The following BMPER variants were observed in gnomAD, a reference collection of about 807,000 sequenced individuals.
BMPER encodes BMP binding endothelial regulator.
In BMPER, 45 loss-of-function variants were observed where a neutral mutation model predicts 87.3. The ratio of observed to expected loss-of-function variants is 0.52; its 90% CI spans 0.41 to 0.66. The LOEUF is 0.66. BMPER is among the 30% of genes least tolerant of loss of function. The pLI, the probability that BMPER is intolerant of heterozygous loss-of-function variation, is 0.00. For synonymous variants in BMPER, 326 were observed against 316.2 expected, an observed-to-expected ratio of 1.03 and a Z score of -0.33; for missense variants, 784 against 867.5, an observed-to-expected ratio of 0.90 and a Z score of 1.21.
chr7:33,966,838 C>T (rs771809141), intron 4 of BMPER, among the ~76,000 whole-genome samples: 3 of 152,158 alleles, frequency 2.0e-5, no homozygotes, highest in Admixed American at 6.6e-5. Context: ...TGCACATGTC[C>T]TTGGGGAAAA....
intron 13 of BMPER, among the ~76,000 whole-genome samples, chr7:34,138,804 A>G (rs886857589): frequency 3.9e-5 from 6 of 152,204 alleles, no homozygotes; most frequent in African/African-American, 1.4e-4. Context: ...CACACTGGGC[A>G]GCCGTGTTTC....
chr7:33,948,019 T>C (rs1290187505), intron 3 of BMPER, among the ~76,000 whole-genome samples: 2 of 152,202 alleles, frequency 1.3e-5, no homozygotes, highest in Non-Finnish European at 2.9e-5. Context: ...AAAGATTGAG[T>C]TAGCCATGTG....
chr7:33,963,748 G>A (rs534889754), intron 3 of BMPER, among the ~76,000 whole-genome samples: 77 of 152,184 alleles, frequency 5.1e-4, no homozygotes, highest in African/African-American at 1.6e-3. Flanking sequence ...AGCCAAGATC[G>A]CGCCATTGCA....
At chr7:34,062,202 T>C (rs1358104145) in intron 11 of BMPER, among the ~76,000 whole-genome samples, 155 bp downstream of exon 11, 5 of 152,170 alleles carry the variant, frequency 3.3e-5, no homozygotes, top group African/African-American at 1.2e-4. Flanking sequence ...TTTAAGTCAA[T>C]TGTAATTCTC....
At chr7:34,032,587 T>C (rs1246089116) in intron 6 of BMPER, among the ~76,000 whole-genome samples, 2 of 152,186 alleles carry the variant, frequency 1.3e-5, no homozygotes, top group African/African-American at 2.4e-5. Flanking sequence ...TTTTTGCTTA[T>C]ACTATTGGGC....
chr7:34,082,360 C>A (rs1222998421), intron 12 of BMPER, among the ~76,000 whole-genome samples: 4 of 126,652 alleles, frequency 3.2e-5, no homozygotes, highest in African/African-American at 8.7e-5. Flanking sequence ...TCTTTCACTA[C>A]TGTAATCTAC....
intron 6 of BMPER, among the ~76,000 whole-genome samples, chr7:33,983,549 A>G (rs1785917573): frequency 6.6e-6 from 1 of 152,134 alleles, no homozygotes; most frequent in Admixed American, 6.5e-5. Flanking sequence ...TTGTTCTGCA[A>G]CCTAGGAGGT....
chr7:34,037,974 G>C (rs1787726679), intron 6 of BMPER, among the ~76,000 whole-genome samples: 2 of 152,152 alleles, frequency 1.3e-5, no homozygotes, highest in Non-Finnish European at 2.9e-5. Context: ...GTGTGTTGTA[G>C]TCACATTAGG....
At chr7:34,079,397 C>A (rs200573528) in intron 12 of BMPER, among the ~76,000 whole-genome samples, 45 of 152,306 alleles carry the variant, frequency 3.0e-4, no homozygotes, top group African/African-American at 1.1e-3. Context: ...ACATTCGGAC[C>A]GTATGGAGTC....
At chr7:34,148,151 C>T (rs1791078284) in intron 14 of BMPER, among the ~76,000 whole-genome samples, 2 of 152,138 alleles carry the variant, frequency 1.3e-5, no homozygotes, top group South Asian at 2.1e-4. Context: ...CTGATTAAGC[C>T]ACAGTACCTT....
chr7:34,115,642 A>G (rs1458105296), intron 13 of BMPER, among the ~76,000 whole-genome samples: 1 of 152,228 alleles, frequency 6.6e-6, no homozygotes, highest in Non-Finnish European at 1.5e-5. Context: ...TTCAAGGTTC[A>G]TCCATATTGT....
At chr7:33,909,542 A>T (rs1783902997) in intron 2 of BMPER, among the ~76,000 whole-genome samples, 1 of 152,168 alleles carries the variant, frequency 6.6e-6, no homozygotes, top group Admixed American at 6.5e-5. Context: ...TTATGTATGT[A>T]CATTAAGAGG....
chr7:34,093,145 A>G (rs1188507854), intron 13 of BMPER, among the ~76,000 whole-genome samples: 2 of 152,218 alleles, frequency 1.3e-5, no homozygotes, highest in African/African-American at 2.4e-5. Flanking sequence ...AAGGATATAG[A>G]TCAAAATCAA....
chr7:34,143,487 G>GA, intron 14 of BMPER, 127 bp downstream of exon 14: 1 of 1,403,086 alleles, frequency 7.1e-7, no homozygotes, highest in Non-Finnish European at 9.8e-7. Flanking sequence ...ATCCCTTCCA[G>GA]TAGCCCATCT....
chr7:33,991,498 C>G (rs184847298), intron 6 of BMPER, among the ~76,000 whole-genome samples: 44 of 152,120 alleles, frequency 2.9e-4, no homozygotes, highest in African/African-American at 1.1e-3. Context: ...CTATTTGATT[C>G]TTCTCTCTTT....
At chr7:33,926,691 A>G (rs933026147) in intron 2 of BMPER, among the ~76,000 whole-genome samples, 1 of 152,228 alleles carries the variant, frequency 6.6e-6, no homozygotes, top group African/African-American at 2.4e-5. Context: ...GCTTTGGTGA[A>G]GAGAACACAG....
chr7:34,097,573 C>T (rs1554317769), intron 13 of BMPER, among the ~76,000 whole-genome samples: 1 of 152,056 alleles, frequency 6.6e-6, no homozygotes, highest in African/African-American at 2.4e-5. Flanking sequence ...CAAGCTTTAG[C>T]ATGAAATGGA....
At chr7:34,048,946 TC>T (rs1788066775) in intron 7 of BMPER, among the ~76,000 whole-genome samples, 2 of 152,046 alleles carry the variant, frequency 1.3e-5, no homozygotes, top group African/African-American at 4.8e-5. Flanking sequence ...AAAACAAACA[TC>T]CCCACACAGC....
At chr7:33,969,461 G>T (rs182729718) in intron 4 of BMPER, among the ~76,000 whole-genome samples, 1 of 152,208 alleles carries the variant, frequency 6.6e-6, no homozygotes, top group East Asian at 1.9e-4. Context: ...GTGCAGTGGC[G>T]CAATCTCTGC....
Sources: allele counts gnomAD v4.1 joint callset (sites outside exome capture counted in the v4.1 genomes callset), GRCh38; gene constraint gnomAD v4.1.1; transcripts MANE v1.5; gene names NCBI Gene and HGNC (gene_info 2026-07-23, HGNC 2026-07-21).